The following TPP2 variants were observed in gnomAD, a reference collection of about 807,000 sequenced individuals.
TPP2 encodes the protein tripeptidyl-peptidase 2.
TPP2 carries 34 observed loss-of-function variants against 155.9 expected under a neutral mutation model. The observed-to-expected ratio is 0.22, with a 90% CI of 0.17 to 0.29. TPP2 has a LOEUF of 0.29. Ranked by LOEUF, TPP2 falls within the 10% of genes least tolerant of loss-of-function variation. The probability of loss-of-function intolerance (pLI) is 1.00; values close to 1 mark genes in which losing one functional copy is unlikely to be tolerated. For synonymous variants in TPP2, 510 were observed against 529.4 expected, an observed-to-expected ratio of 0.96 and a Z score of 0.50; for missense variants, 1,028 against 1,522.3, an observed-to-expected ratio of 0.68 and a Z score of 5.40.
intron 25 of TPP2, among the ~76,000 whole-genome samples, chr13:102,663,193 G>C (rs370758494): frequency 1.3e-5 from 2 of 151,800 alleles, no homozygotes; most frequent in Non-Finnish European, 2.9e-5. Context: ...CTGTCACCCG[G>C]CTGGAGTGCA....
intron 3 of TPP2, 76 bp from the exon 4 acceptor site, chr13:102,616,320 C>T (rs1258237724): frequency 8.4e-7 from 1 of 1,185,988 alleles, no homozygotes; most frequent in East Asian, 2.4e-5. Flanking sequence ...CCAACAAAGT[C>T]CACATATAAA....
At chr13:102,621,687 A>G (rs1881177989) in intron 5 of TPP2, among the ~76,000 whole-genome samples, 1 of 152,210 alleles carries the variant, frequency 6.6e-6, no homozygotes, top group African/African-American at 2.4e-5. Flanking sequence ...AGAGCAGGCC[A>G]TCAGCTCATC....
chr13:102,613,851 C>A (rs1214382361), intron 2 of TPP2, among the ~76,000 whole-genome samples: 5 of 152,142 alleles, frequency 3.3e-5, no homozygotes, highest in Admixed American at 2.6e-4. Flanking sequence ...ATGTTGAAAG[C>A]ACTTTTTAAA....
At chr13:102,624,207 A>G (rs1881386955) in intron 6 of TPP2, among the ~76,000 whole-genome samples, 1 of 152,184 alleles carries the variant, frequency 6.6e-6, no homozygotes, top group Admixed American at 6.5e-5. Context: ...AAAATGTTAA[A>G]TATATAGATG....
At position 102,664,864 on chromosome 13, in the gene TPP2, G is replaced by A. The variant is rs1355989013; in HGVS notation, c.3310G>A (p.Ala1104Thr). The A allele has an allele frequency of 6.2e-7, 1 of 1,613,790 alleles. No individual in the cohort carries two copies. The change falls in exon 27 of 30, where the codon GCC becomes ACC. Residue 1104 changes from alanine to threonine, a missense_variant. Transcript: ENST00000376052. ...NAVISHIDQT[A>T]LAVYIAMKTD... ...TGTTATTTCTCATATAGATCAAACA[G>A]CCCTAGCAGTTTATATTGCAATGAA...
chr13:102,674,543 C>G (rs770763836), intron 28 of TPP2, 53 bp downstream of exon 28: 2 of 1,565,560 alleles, frequency 1.3e-6, no homozygotes, highest in Non-Finnish European at 1.8e-6. Context: ...CCTCACAGAC[C>G]TCTCTTGTGC....
chr13:102,614,418 G>A (rs1354124073), intron 3 of TPP2, among the ~76,000 whole-genome samples: 6 of 152,188 alleles, frequency 3.9e-5, no homozygotes, highest in Non-Finnish European at 5.9e-5. Context: ...GATAAGTTTA[G>A]GGAATCTGTG....
chr13:102,670,472 A>T (rs564704164), intron 27 of TPP2, among the ~76,000 whole-genome samples: 1 of 152,156 alleles, frequency 6.6e-6, no homozygotes, highest in South Asian at 2.1e-4. Flanking sequence ...TGAGCAAAAA[A>T]CTCATTTTAG....
intron 5 of TPP2, among the ~76,000 whole-genome samples, chr13:102,622,629 C>T (rs1336385254): frequency 6.6e-6 from 1 of 152,124 alleles, no homozygotes; most frequent in East Asian, 1.9e-4. Context: ...TGGTTTTTAA[C>T]CTAGAGTTTT....
chr13:102,654,694 C>A (rs1199778806), intron 24 of TPP2, among the ~76,000 whole-genome samples: 2 of 152,170 alleles, frequency 1.3e-5, no homozygotes, highest in Non-Finnish European at 2.9e-5. Context: ...TTCTAGCACA[C>A]TGGGTGGCAG....
chr13:102,627,982 A>C, intron 8 of TPP2, 58 bp downstream of exon 8: 2 of 1,371,046 alleles, frequency 1.5e-6, no homozygotes, highest in Non-Finnish European at 2.1e-6. Context: ...AGAGTATGAG[A>C]TGTTTTTCAT....
At chr13:102,615,937 T>C (rs1880684611) in intron 3 of TPP2, among the ~76,000 whole-genome samples, 1 of 151,766 alleles carries the variant, frequency 6.6e-6, no homozygotes, top group Non-Finnish European at 1.5e-5. Flanking sequence ...TCCATGGCTT[T>C]ATCTGCTTCA....
At chr13:102,639,082 T>G (rs1225195835) in intron 15 of TPP2, among the ~76,000 whole-genome samples, 1 of 152,136 alleles carries the variant, frequency 6.6e-6, no homozygotes, top group Admixed American at 6.6e-5. Flanking sequence ...GTGAAGGGAG[T>G]CCCTTCTTTC....
chr13:102,656,978 A>G, intron 24 of TPP2, 78 bp from the exon 25 acceptor site: 2 of 1,425,658 alleles, frequency 1.4e-6, no homozygotes, highest in African/African-American at 2.9e-5. Flanking sequence ...ATGTTACATG[A>G]CATGTAGCTG....
intron 27 of TPP2, among the ~76,000 whole-genome samples, chr13:102,665,698 G>T (rs1390161059): frequency 6.6e-6 from 1 of 152,082 alleles, no homozygotes; most frequent in Non-Finnish European, 1.5e-5. Flanking sequence ...TGACTTACAG[G>T]ATCATTAACT....
chr13:102,640,212 A>C, intron 15 of TPP2, 58 bp from the exon 16 acceptor site: 1 of 1,262,114 alleles, frequency 7.9e-7, no homozygotes, highest in Non-Finnish European at 1.1e-6. Flanking sequence ...AATGAAATCT[A>C]GAGTATCTGT....
intron 27 of TPP2, among the ~76,000 whole-genome samples, chr13:102,672,541 T>C (rs1467485883): frequency 1.3e-5 from 2 of 152,196 alleles, no homozygotes; most frequent in African/African-American, 2.4e-5. Flanking sequence ...CCTCTAACTT[T>C]TACCCACCAC....
At chr13:102,672,854 C>T (rs1216296411) in intron 27 of TPP2, among the ~76,000 whole-genome samples, 1 of 152,140 alleles carries the variant, frequency 6.6e-6, no homozygotes, top group Non-Finnish European at 1.5e-5. Context: ...ACAAGCAGTA[C>T]CCAGAAACAT....
At chr13:102,624,823 G>C (rs1881447733) in intron 6 of TPP2, among the ~76,000 whole-genome samples, 1 of 147,464 alleles carries the variant, frequency 6.8e-6, no homozygotes, top group African/African-American at 2.5e-5. Context: ...AGTTGGATAT[G>C]GTAAACATGT....
Sources: allele counts gnomAD v4.1 joint callset (sites outside exome capture counted in the v4.1 genomes callset), GRCh38; gene constraint gnomAD v4.1.1; transcripts MANE v1.5; gene names NCBI Gene and HGNC (gene_info 2026-07-23, HGNC 2026-07-21).